Variants in ZMYM2 observed in about 807,000 individuals in gnomAD.
ZMYM2 encodes zinc finger MYM-type protein 2.
In ZMYM2, 56 loss-of-function variants were observed where a neutral mutation model predicts 162.8. The observed-to-expected ratio is 0.34, with a 90% CI of 0.28 to 0.43. The LOEUF is 0.43. Among genes scored for constraint, ZMYM2 ranks in the 20% least tolerant of loss-of-function variants. ZMYM2 has a pLI of 1.00. For missense variants in ZMYM2, 1,275 were observed against 1,621.8 expected, an observed-to-expected ratio of 0.79 and a Z score of 3.67; for synonymous variants, 510 against 541.6, an observed-to-expected ratio of 0.94 and a Z score of 0.81.
At chr13:20,039,639 A>G (rs1954054510) in intron 12 of ZMYM2, among the ~76,000 whole-genome samples, 1 of 151,872 alleles carries the variant, frequency 6.6e-6, no homozygotes, top group Non-Finnish European at 1.5e-5. Context: ...ATGCCCAGCT[A>G]ATTTTTTTGT....
intron 21 of ZMYM2, among the ~76,000 whole-genome samples, chr13:20,067,829 A>G (rs1465274815): frequency 6.6e-6 from 1 of 152,228 alleles, no homozygotes; most frequent in Non-Finnish European, 1.5e-5. Context: ...TACAGTAAAC[A>G]TGGAGATCAA....
At chr13:19,896,938 T>G in the ZMYM2 span, among the ~76,000 whole-genome samples, 1 of 151,118 alleles carries the variant, frequency 6.6e-6, no homozygotes, top group African/African-American at 2.5e-5. Context: ...CTGGGCGTGG[T>G]GGCAGGCGCC....
At chr13:19,872,829 C>T in the ZMYM2 span, among the ~76,000 whole-genome samples, 10 of 151,706 alleles carry the variant, frequency 6.6e-5, no homozygotes, top group Non-Finnish European at 1.5e-4. Flanking sequence ...CGAAACACCC[C>T]GTCTGCCTAA....
chr13:20,074,114 T>A (rs111896893), intron 21 of ZMYM2, among the ~76,000 whole-genome samples: 1 of 152,230 alleles, frequency 6.6e-6, no homozygotes, highest in African/African-American at 2.4e-5. Context: ...AATCATGCAG[T>A]ATTTGTCCTT....
intron 2 of ZMYM2, among the ~76,000 whole-genome samples, chr13:19,963,903 G>A (rs1955506589): frequency 1.3e-5 from 2 of 152,212 alleles, no homozygotes; most frequent in African/African-American, 4.8e-5. Flanking sequence ...TTTGGGATTT[G>A]TTCTTAGTCC....
chr13:19,872,159 TAAAAA>T, the ZMYM2 span, among the ~76,000 whole-genome samples: 1 of 150,524 alleles, frequency 6.6e-6, no homozygotes, highest in African/African-American at 2.4e-5. Context: ...TTTTTTTAAA[TAAAAA>T]CGAGGTTTTG....
chr13:20,073,671 T>C (rs1278243245), intron 21 of ZMYM2, among the ~76,000 whole-genome samples: 1 of 152,232 alleles, frequency 6.6e-6, no homozygotes, highest in Admixed American at 6.5e-5. Flanking sequence ...GTTTTAATTT[T>C]CCTTGACTTA....
chr13:19,869,941 G>A, the ZMYM2 span, among the ~76,000 whole-genome samples: 2 of 152,076 alleles, frequency 1.3e-5, no homozygotes, highest in East Asian at 3.8e-4. Flanking sequence ...AATACTTATC[G>A]TGTCTGTTAT....
intron 3 of ZMYM2, among the ~76,000 whole-genome samples, chr13:20,002,261 GTGA>G (rs1950450716): frequency 6.6e-6 from 1 of 152,208 alleles, no homozygotes; most frequent in African/African-American, 2.4e-5. Context: ...CTTGCCTAAA[GTGA>G]TATTTTATAA....
chr13:19,957,928 T>C (rs368683452), upstream of ZMYM2, among the ~76,000 whole-genome samples: 4 of 152,324 alleles, frequency 2.6e-5, no homozygotes, highest in East Asian at 7.8e-4. Flanking sequence ...CAGCCGGGGT[T>C]GTTCCCTTGG....
chr13:19,956,094 A>T (rs1954508978), upstream of ZMYM2, among the ~76,000 whole-genome samples: 1 of 152,196 alleles, frequency 6.6e-6, no homozygotes, highest in Non-Finnish European at 1.5e-5. Context: ...ATTTTAGAAC[A>T]CTTGAGTCAC....
At chr13:19,961,264 A>T (rs1377055482) in intron 2 of ZMYM2, among the ~76,000 whole-genome samples, 1 of 152,208 alleles carries the variant, frequency 6.6e-6, no homozygotes, top group Non-Finnish European at 1.5e-5. Flanking sequence ...TAATTTAATT[A>T]TCACGAAAAC....
rs543426781 is a variant in ZMYM2 at position 20,023,303 on chromosome 13, C to T, written c.1585-3309C>T. On this transcript the variant is annotated intron_variant, in intron 7 of 24. Transcript: ENST00000610343. ...ATAATATGCAGCCTATATCTTGGGG[C>T]GCCATTTCCTAAATTAGATTTGCAG... is the stretch of plus-strand genomic sequence containing the variant. 2.1e-3 allele frequency among the ~76,000 whole-genome samples: 325 copies of T among 152,156 alleles called. 7 individuals carry two copies. The highest frequency in any genetic ancestry group is 6.8e-3 in the Middle Eastern group (2 of 292).
At chr13:19,892,112 T>A in the ZMYM2 span, among the ~76,000 whole-genome samples, 3 of 151,728 alleles carry the variant, frequency 2.0e-5, no homozygotes, top group Non-Finnish European at 2.9e-5. Context: ...AGCTAATTTT[T>A]AAATTTTTTT....
At chr13:20,033,078 A>G (rs759280341) in intron 10 of ZMYM2, among the ~76,000 whole-genome samples, 3 of 152,138 alleles carry the variant, frequency 2.0e-5, no homozygotes, top group Admixed American at 6.5e-5. Flanking sequence ...TTAGTGACTG[A>G]TAACCTTTAA....
the ZMYM2 span, among the ~76,000 whole-genome samples, chr13:19,869,988 G>A: frequency 1.3e-5 from 2 of 152,048 alleles, no homozygotes; most frequent in Admixed American, 1.3e-4. Flanking sequence ...CACCTGGGTG[G>A]CCCTGACTCA....
In ZMYM2 at chr13:20,061,596, GT is replaced by G. The variant is rs555183872; in HGVS notation, c.2911+383del. On this transcript the variant is annotated intron_variant, in intron 17 of 24. Transcript: ENST00000610343. ...TATCCCTAGTTTTTTGTTTTGTTTT[GT>G]TTTTTTTTTTAGATGAACTCTTGCT... 1.5e-3 allele frequency among the ~76,000 whole-genome samples: 212 copies of G among 143,708 alleles called. 1 individual carries two copies. The Middle Eastern group carries it at 0.017, about 12-fold the overall frequency. 94.3% of individuals were successfully genotyped at this position (143,708 alleles called of 152,430 possible).
At chr13:19,994,421 ATAAAT>A (rs1481544919) in intron 3 of ZMYM2, among the ~76,000 whole-genome samples, 1 of 152,224 alleles carries the variant, frequency 6.6e-6, no homozygotes, top group African/African-American at 2.4e-5. Context: ...GTTTTAGTAT[ATAAAT>A]TAGAGAACCA....
At chr13:19,983,801 C>T (rs1014995938) in intron 2 of ZMYM2, among the ~76,000 whole-genome samples, 1 of 151,636 alleles carries the variant, frequency 6.6e-6, no homozygotes, top group South Asian at 2.1e-4. Context: ...TCTAATTTTC[C>T]TATTTTTTGT....
Sources: gnomAD v4.1 joint callset for allele counts (sites outside exome capture counted in the v4.1 genomes callset) on GRCh38, gnomAD v4.1.1 for gene constraint, MANE v1.5 for transcripts, NCBI Gene and HGNC (gene_info 2026-07-23, HGNC 2026-07-21) for gene names.